LRMDA: variants seen among roughly 807,000 people sequenced by gnomAD.
LRMDA encodes leucine-rich melanocyte differentiation-associated protein.
In LRMDA, 18 loss-of-function variants were observed where a neutral mutation model predicts 29.8. The ratio of observed to expected loss-of-function variants is 0.60; its 90% CI spans 0.42 to 0.90. The LOEUF (loss-of-function observed/expected upper bound fraction) is 0.90. Ranked by LOEUF, LRMDA falls within the 40% of genes least tolerant of loss-of-function variation. LRMDA has a pLI of 0.00. For missense variants in LRMDA, 273 were observed against 273.9 expected, an observed-to-expected ratio of 1.00 and a Z score of 0.02; for synonymous variants, 125 against 109.4, an observed-to-expected ratio of 1.14 and a Z score of -0.89.
Position 76,487,591 on chromosome 10 carries a change from T to G in LRMDA, c.602-69618T>G, listed in dbSNP as rs1372508299. On this transcript the variant is annotated intron_variant, in intron 6 of 6. Transcript: ENST00000611255. ...TGGGGATTTGAGTAATTCTGGCATG[T>G]CTGTATGGGGTTTTTGAGACTCTGT... Among the ~76,000 whole-genome samples the G allele has an allele frequency of 1.3e-5, 2 of 151,850 alleles. 1 individual carries two copies. Among genetic ancestry groups the G allele is most frequent in the South Asian group, 4.1e-4 (2 of 4,826 alleles).
rs552526471 is a variant in LRMDA, at chr10:76,180,165, G to A, written c.516+121382G>A. ...GGAAAAAAAAGGCACCCATGGCTGG[G>A]ATCTCTAGTTTTAGTCCAAAGGTGG... is the stretch of plus-strand genomic sequence containing the variant. On this transcript the variant is annotated intron_variant, in intron 5 of 6. Transcript: ENST00000611255. 1.4e-4 allele frequency among the ~76,000 whole-genome samples: 22 copies of A among 152,050 alleles called. No homozygotes were observed. In the East Asian group the frequency reaches 4.3e-3, roughly 29 times the overall value.
At chr10:75,802,956 A>G (rs10824340) in intron 2 of LRMDA, among the ~76,000 whole-genome samples, 6,251 of 123,346 alleles carry the variant, frequency 0.051, 353 homozygotes, top group African/African-American at 0.16. Flanking sequence ...GTGTGTGTGT[A>G]TATATATATA....
At chr10:75,621,283 T>C (rs1841183289) in intron 2 of LRMDA, among the ~76,000 whole-genome samples, 1 of 152,076 alleles carries the variant, frequency 6.6e-6, no homozygotes, top group Non-Finnish European at 1.5e-5. Context: ...GATGGGCATT[T>C]GGGCTGGTTC....
At chr10:75,850,696 G>A (rs771384613) in intron 2 of LRMDA, among the ~76,000 whole-genome samples, 28 of 152,118 alleles carry the variant, frequency 1.8e-4, no homozygotes, top group African/African-American at 5.6e-4. Flanking sequence ...CACTCGGTTC[G>A]GTTCCTGCCA....
intron 2 of LRMDA, among the ~76,000 whole-genome samples, chr10:75,765,224 T>C (rs1461086841): frequency 6.6e-6 from 1 of 152,102 alleles, no homozygotes; most frequent in Non-Finnish European, 1.5e-5. Context: ...CTTTTTTTTT[T>C]TTCTTTTCCT....
chr10:75,713,722 C>T (rs536953952), intron 2 of LRMDA, among the ~76,000 whole-genome samples: 60 of 152,202 alleles, frequency 3.9e-4, no homozygotes, highest in Non-Finnish European at 4.6e-4. Flanking sequence ...TTTGGGAATA[C>T]AGTGAAGGAA....
chr10:75,686,445 A>C (rs1219928657), intron 2 of LRMDA, among the ~76,000 whole-genome samples: 1 of 152,240 alleles, frequency 6.6e-6, no homozygotes, highest in Non-Finnish European at 1.5e-5. Context: ...TTGCTTGTTC[A>C]TAAGACTGAC....
chr10:76,476,904 A>AT (rs1842679279), intron 6 of LRMDA, among the ~76,000 whole-genome samples: 1 of 152,156 alleles, frequency 6.6e-6, no homozygotes, highest in Non-Finnish European at 1.5e-5. Context: ...CGTATCTCAA[A>AT]ATAATAAGAG....
chr10:75,946,654 G>A (rs1846481849), intron 2 of LRMDA, among the ~76,000 whole-genome samples: 1 of 152,172 alleles, frequency 6.6e-6, no homozygotes, highest in Admixed American at 6.5e-5. Context: ...TAGGCAAATG[G>A]AAACAGTAAA....
intron 6 of LRMDA, among the ~76,000 whole-genome samples, chr10:76,468,262 T>C (rs1471013279): frequency 6.6e-6 from 1 of 152,230 alleles, no homozygotes; most frequent in Non-Finnish European, 1.5e-5. Flanking sequence ...TAAATTAGCT[T>C]CTTAGTGTGA....
rs146836671 is a variant in LRMDA at position 75,711,121 on chromosome 10, C to T, written c.131+272627C>T. On this transcript the variant is annotated intron_variant, in intron 2 of 6. Transcript: ENST00000611255. ...AACATCAATCTCAAAGTTTGGTGGTCGTCCTTTGGATCAAGAGACTGATTC... is the reference window on the plus strand; with the variant it reads ...AACATCAATCTCAAAGTTTGGTGGTTGTCCTTTGGATCAAGAGACTGATTC... Among the ~76,000 whole-genome samples, 664 of 152,308 alleles carry T rather than the reference C, an allele frequency of 4.4e-3. 4 individuals are homozygous for T. Among genetic ancestry groups the T allele is most frequent in the African/African-American group, 8.4e-3 (351 of 41,560 alleles).
chr10:76,232,195 C>G (rs978826053), intron 5 of LRMDA, among the ~76,000 whole-genome samples: 16 of 152,028 alleles, frequency 1.1e-4, no homozygotes, highest in African/African-American at 3.1e-4. Flanking sequence ...AACCAGACAC[C>G]AAGATATTAC....
chr10:76,186,660 C>T (rs1851155603), intron 5 of LRMDA, among the ~76,000 whole-genome samples: 1 of 152,102 alleles, frequency 6.6e-6, no homozygotes, highest in South Asian at 2.1e-4. Flanking sequence ...TACAGAGGCC[C>T]CATTCATTTT....
chr10:75,933,091 A>C (rs1281330447), intron 2 of LRMDA, among the ~76,000 whole-genome samples: 1 of 152,188 alleles, frequency 6.6e-6, no homozygotes, highest in Non-Finnish European at 1.5e-5. Context: ...CTTTCAACAC[A>C]TGGCTGGCCA....
At chr10:76,221,812 T>G (rs1458672745) in intron 5 of LRMDA, among the ~76,000 whole-genome samples, 1 of 152,024 alleles carries the variant, frequency 6.6e-6, no homozygotes, top group East Asian at 1.9e-4. Flanking sequence ...CATCGCCAAG[T>G]CAATCCTAAG....
At chr10:75,762,091 G>A (rs1843104951) in intron 2 of LRMDA, among the ~76,000 whole-genome samples, 1 of 152,182 alleles carries the variant, frequency 6.6e-6, no homozygotes, top group South Asian at 2.1e-4. Flanking sequence ...GGGATTACAG[G>A]CATGAGCCAC....
chr10:76,444,194 T>G (rs995343146), intron 6 of LRMDA, among the ~76,000 whole-genome samples: 21 of 152,210 alleles, frequency 1.4e-4, no homozygotes, highest in African/African-American at 5.1e-4. Context: ...TCCTCTGGCA[T>G]AGATCACTTT....
At chr10:76,021,070 G>A (rs1847967067) in intron 2 of LRMDA, among the ~76,000 whole-genome samples, 1 of 152,198 alleles carries the variant, frequency 6.6e-6, no homozygotes, top group South Asian at 2.1e-4. Flanking sequence ...TTGTGCCCAT[G>A]GTCACAGAGC....
chr10:75,557,593 C>T (rs1015193066), intron 2 of LRMDA, among the ~76,000 whole-genome samples: 1 of 152,104 alleles, frequency 6.6e-6, no homozygotes, highest in African/African-American at 2.4e-5. Flanking sequence ...CTGGTTTGTC[C>T]AGGTCTCCTG....
Sources: allele counts gnomAD v4.1 joint callset (sites outside exome capture counted in the v4.1 genomes callset), GRCh38; gene constraint gnomAD v4.1.1; transcripts MANE v1.5; gene names NCBI Gene and HGNC (gene_info 2026-07-23, HGNC 2026-07-21).